The following VPS13B variants were observed in gnomAD, a reference collection of about 807,000 sequenced individuals.
VPS13B encodes vacuolar protein sorting 13 homolog B, also known as intermembrane lipid transfer protein VPS13B.
Under a neutral mutation model 426.4 loss-of-function variants are expected in VPS13B, and 285 were observed. The observed-to-expected ratio is 0.67, with a 90% CI of 0.61 to 0.74. VPS13B has a LOEUF of 0.74. VPS13B is among the 30% of genes least tolerant of loss of function. VPS13B has a pLI of 0.00. For missense variants in VPS13B, 4,537 were observed against 4,782.6 expected (o/e 0.95, Z 1.51); for synonymous variants, 1,676 against 1,676.4 (o/e 1.00, Z 0.01).
At chr8:99,314,412 T>C (rs1016331750) in intron 19 of VPS13B, among the ~76,000 whole-genome samples, 2 of 152,194 alleles carry the variant, frequency 1.3e-5, no homozygotes, top group Non-Finnish European at 2.9e-5. Flanking sequence ...GAATGAAATG[T>C]TCTGTAAATG....
intron 35 of VPS13B, among the ~76,000 whole-genome samples, chr8:99,668,380 C>T (rs1048906026): frequency 6.6e-6 from 1 of 151,096 alleles, no homozygotes; most frequent in Non-Finnish European, 1.5e-5. Flanking sequence ...AAAGTTGCAA[C>T]CCTTAAAGGT....
chr8:99,335,458 A>G (rs1444537537), intron 19 of VPS13B, among the ~76,000 whole-genome samples: 1 of 152,032 alleles, frequency 6.6e-6, no homozygotes, highest in African/African-American at 2.4e-5. Context: ...TAGGGTGTCA[A>G]TTTCAGATCT....
chr8:99,123,881 A>G (rs187580910), intron 8 of VPS13B, among the ~76,000 whole-genome samples: 1 of 152,346 alleles, frequency 6.6e-6, no homozygotes, highest in East Asian at 1.9e-4. Flanking sequence ...AGTTTTGGAT[A>G]GGTTTAAGAT....
chr8:99,130,508 C>T (rs182923011), intron 8 of VPS13B, among the ~76,000 whole-genome samples: 3 of 151,982 alleles, frequency 2.0e-5, no homozygotes, highest in Admixed American at 2.0e-4. Flanking sequence ...CTGCCTCAGC[C>T]TCCCCAGTAG....
chr8:99,028,841 GGGGGCTGACCCCTTAAGTTA>G (rs1229496474), intron 2 of VPS13B, among the ~76,000 whole-genome samples: 2 of 402 alleles, frequency 5.0e-3, no homozygotes, highest in African/African-American at 0.059. Context: ...TGGCCGGGCG[GGGGGCTGACCCCTTAAGTTA>G]GCGCTTATGG....
At chr8:99,671,717 G>C (rs564534541) in intron 35 of VPS13B, among the ~76,000 whole-genome samples, 9 of 152,178 alleles carry the variant, frequency 5.9e-5, no homozygotes, top group African/African-American at 2.2e-4. Context: ...GAGTGCGGTG[G>C]TGTGATCATG....
intron 25 of VPS13B, among the ~76,000 whole-genome samples, chr8:99,493,029 T>C (rs1027488876): frequency 6.6e-6 from 1 of 152,194 alleles, no homozygotes; most frequent in African/African-American, 2.4e-5. Context: ...ATATACGTAA[T>C]TTATCTCCTT....
At chr8:99,609,809 G>A (rs773490854) in intron 33 of VPS13B, among the ~76,000 whole-genome samples, 9 of 152,220 alleles carry the variant, frequency 5.9e-5, no homozygotes, top group Non-Finnish European at 1.0e-4. Flanking sequence ...ATGGTCAGAA[G>A]GATTCAGCAA....
At chr8:99,535,237 T>A (rs1459740377) in intron 30 of VPS13B, among the ~76,000 whole-genome samples, 1 of 152,214 alleles carries the variant, frequency 6.6e-6, no homozygotes, top group Non-Finnish European at 1.5e-5. Context: ...AATTTTTACA[T>A]GAAAGCAAGT....
chr8:99,779,072 G>C (rs756458923), intron 42 of VPS13B, 41 bp downstream of exon 42: 1 of 1,561,258 alleles, frequency 6.4e-7, no homozygotes, highest in Admixed American at 1.7e-5. Flanking sequence ...GGCCACATAT[G>C]ATCTTTTATT....
intron 19 of VPS13B, among the ~76,000 whole-genome samples, chr8:99,297,373 A>G (rs1220207899): frequency 6.6e-6 from 1 of 151,024 alleles, no homozygotes; most frequent in African/African-American, 2.5e-5. Flanking sequence ...AATCCTTGTA[A>G]TCACATTTGT....
chr8:99,314,988 C>G (rs1381899303), intron 19 of VPS13B, among the ~76,000 whole-genome samples: 1 of 152,164 alleles, frequency 6.6e-6, no homozygotes, highest in African/African-American at 2.4e-5. Context: ...ATATCTTTTT[C>G]CATCTTTATG....
At chr8:99,285,358 T>C (rs1819375104) in intron 19 of VPS13B, among the ~76,000 whole-genome samples, 1 of 152,138 alleles carries the variant, frequency 6.6e-6, no homozygotes, top group Non-Finnish European at 1.5e-5. Context: ...TTCCCTCATT[T>C]ATATAGCACA....
At chr8:99,751,646 A>G (rs1244428275) in intron 39 of VPS13B, among the ~76,000 whole-genome samples, 1 of 152,198 alleles carries the variant, frequency 6.6e-6, no homozygotes, top group South Asian at 2.1e-4. Context: ...GGCTAATTAA[A>G]ACACATTTTT....
At chr8:99,156,870 A>G in intron 15 of VPS13B, 127 bp downstream of exon 15, 2 of 818,942 alleles carry the variant, frequency 2.4e-6, no homozygotes, top group Non-Finnish European at 3.8e-6. Flanking sequence ...TTAAATAAGA[A>G]ATAAGATGTA....
chr8:99,374,974 C>T (rs10504988), intron 19 of VPS13B, among the ~76,000 whole-genome samples: 9,607 of 152,198 alleles, frequency 0.063, 409 homozygotes, highest in African/African-American at 0.12. Flanking sequence ...GTTTAGAGTA[C>T]GCATGAGATT....
chr8:99,692,690 A>G (rs1357809168), intron 35 of VPS13B, among the ~76,000 whole-genome samples: 2 of 137,108 alleles, frequency 1.5e-5, no homozygotes, highest in East Asian at 2.5e-4. Flanking sequence ...AAATAACTAA[A>G]ATCAGAGCAG....
At chr8:99,490,855 C>T (rs989445962) in intron 25 of VPS13B, among the ~76,000 whole-genome samples, 1 of 152,122 alleles carries the variant, frequency 6.6e-6, no homozygotes, top group African/African-American at 2.4e-5. Flanking sequence ...AAAACGAGCT[C>T]TTGGATTCAC....
intron 24 of VPS13B, among the ~76,000 whole-genome samples, chr8:99,474,671 C>T (rs1025260135): frequency 6.6e-6 from 1 of 152,076 alleles, no homozygotes; most frequent in Non-Finnish European, 1.5e-5. Flanking sequence ...GAAATACACA[C>T]CTATTAGACT....
Sources: allele counts gnomAD v4.1 joint callset (sites outside exome capture counted in the v4.1 genomes callset), GRCh38; gene constraint gnomAD v4.1.1; transcripts MANE v1.5; gene names NCBI Gene and HGNC (gene_info 2026-07-23, HGNC 2026-07-21).